GOLGA6C: variants seen among roughly 807,000 people sequenced by gnomAD.
GOLGA6C encodes the protein golgin subfamily A member 6C.
A neutral mutation model predicts 57.5 loss-of-function variants in GOLGA6C; 3 were observed. The observed-to-expected ratio is 0.05, with a 90% confidence interval of 0.02 to 0.13. The LOEUF is 0.13. GOLGA6C is among the 10% of genes least tolerant of loss of function. The pLI, the probability that GOLGA6C is intolerant of heterozygous loss-of-function variation, is 1.00. For missense variants in GOLGA6C, 88 were observed against 525.6 expected, an observed-to-expected ratio of 0.17 and a Z score of 8.14; for synonymous variants, 32 against 203.8, an observed-to-expected ratio of 0.16 and a Z score of 7.18.
chr15:75,266,136 G>A lies in GOLGA6C; in HGVS notation c.879G>A (p.Val293=). ...CCCCATCCCTGGCACCCCCAGCAGT[G>A]ACCTCTGTGGTGGAACAGCTACAAG... The part of the protein sequence containing the change: ...AEPPSLAPPA[V]TSVVEQLQDE... The change falls in exon 11 of 18, where the codon GTG becomes GTA. Residue 293 remains valine (V), a synonymous_variant. Transcript: ENST00000300576. 1 of 1,413,938 alleles carries A rather than the reference G, an allele frequency of 7.1e-7. No individual in the cohort carries two copies. Among genetic ancestry groups the A allele is most frequent in the Non-Finnish European group, 9.3e-7 (1 of 1,070,920 alleles). 87.6% of individuals were successfully genotyped at this position (1,413,938 alleles called of 1,614,324 possible).
chr15:75,259,184 C>T (rs1349099074), intron 1 of GOLGA6C, among the ~76,000 whole-genome samples: 1 of 151,888 alleles, frequency 6.6e-6, no homozygotes, highest in African/African-American at 2.4e-5. Context: ...CACGTCCCCC[C>T]TCCCCCATCG....
intron 7 of GOLGA6C, among the ~76,000 whole-genome samples, 174 bp from the exon 8 acceptor site, chr15:75,264,948 C>A (rs1362509419): frequency 6.7e-6 from 1 of 150,170 alleles, no homozygotes; most frequent in Non-Finnish European, 1.5e-5. Context: ...GCTGTAAATT[C>A]GATCTCTTTC....
intron 1 of GOLGA6C, among the ~76,000 whole-genome samples, chr15:75,259,174 C>A (rs1330627137): frequency 6.6e-6 from 1 of 152,002 alleles, no homozygotes; most frequent in Non-Finnish European, 1.5e-5. Flanking sequence ...GTCCCAGCCC[C>A]ACGTCCCCCC....
chr15:75,259,201 G>A (rs1369520654), intron 1 of GOLGA6C, among the ~76,000 whole-genome samples: 11 of 151,334 alleles, frequency 7.3e-5, no homozygotes, highest in African/African-American at 1.5e-4. Flanking sequence ...ATCGTGGATC[G>A]GCAACTCAGC....
At chr15:75,261,811 CTTTTTTTTTTT>C (rs1202553749) in intron 2 of GOLGA6C, among the ~76,000 whole-genome samples, 1 of 35,354 alleles carries the variant, frequency 2.8e-5, no homozygotes, top group Non-Finnish European at 6.2e-5. Context: ...GATTTGGGCT[CTTTTTTTTTTT>C]TTTTTTTTTT....
rs1411896304 is a variant in GOLGA6C, at chr15:75,270,178, T to C, written c.2061T>C (p.Ser687=). ...CGGTACAGCAGATCGTGCAGCTGTC[T>C]CCTGTCATGCAGGACACCTAGGAGC... ...NPPVQQIVQL[S]PVMQDT Residue 687 remains serine, a synonymous_variant, in exon 18 of 18, where the codon TCT becomes TCC. Transcript: ENST00000300576. 6.3e-7 allele frequency: 1 copy of C among 1,592,544 alleles called. No homozygotes were observed. The highest frequency in any genetic ancestry group is 8.5e-7 in the Non-Finnish European group (1 of 1,174,500).
chr15:75,260,305 A>C (rs1273477968), intron 1 of GOLGA6C, 68 bp from the exon 2 acceptor site: 1 of 1,584,862 alleles, frequency 6.3e-7, no homozygotes, highest in African/African-American at 1.5e-5. Context: ...TTTTGCAAAA[A>C]CTGTAAGGAG....
At chr15:75,258,706 TG>T (rs2141628039) in intron 1 of GOLGA6C, 24 bp downstream of exon 1, 1 of 507,198 alleles carries the variant, frequency 2.0e-6, no homozygotes, top group East Asian at 3.4e-5. Flanking sequence ...AAAAAGGTCA[TG>T]GCCCCCCAAC....
rs1221791906 is a variant in GOLGA6C, at chr15:75,273,174, A to T, written c.*2975A>T. On this transcript the variant is annotated 3_prime_UTR_variant, in exon 18 of 18. Transcript: ENST00000300576. ...AAGAATATAACTATTCAAAAATGTAACTGCTATCTTAATGTTTTGAAATAA... is the reference window on the plus strand; with the variant it reads ...AAGAATATAACTATTCAAAAATGTATCTGCTATCTTAATGTTTTGAAATAA... Among the ~76,000 whole-genome samples, 2 of 152,170 alleles carry T rather than the reference A, an allele frequency of 1.3e-5. No individual in the cohort carries two copies. The highest frequency in any genetic ancestry group is 4.8e-5 in the African/African-American group (2 of 41,384).
In GOLGA6C at chr15:75,258,822, C is replaced by G. The variant is rs535968048; in HGVS notation, c.84+140C>G. On this transcript the variant is annotated intron_variant, in intron 1 of 17. Transcript: ENST00000300576. Reference sequence around the variant, plus strand: ...TACCCCGGCGCCTCTGGGCTCCCCCCACCAAAGTCTTGTCAGTCAGCCCCG... The same window carrying G: ...TACCCCGGCGCCTCTGGGCTCCCCCGACCAAAGTCTTGTCAGTCAGCCCCG... The G allele has an allele frequency of 1.2e-5, 10 of 805,986 alleles. No individual in the cohort carries two copies. In the Admixed American group the frequency reaches 1.4e-4, roughly 12 times the overall value. 49.9% of individuals were successfully genotyped at this position (805,986 alleles called of 1,614,324 possible).
At chr15:75,263,265 TG>T in intron 3 of GOLGA6C, 82 bp from the exon 4 acceptor site, 1 of 519,212 alleles carries the variant, frequency 1.9e-6, no homozygotes, top group Non-Finnish European at 3.2e-6. Context: ...AATCCATTCC[TG>T]GACCCTGCCT....
At chr15:75,263,489 GCTCACCCAT>G (rs1567162947) in intron 4 of GOLGA6C, 103 bp downstream of exon 4, 1 of 1,535,212 alleles carries the variant, frequency 6.5e-7, no homozygotes, top group Non-Finnish European at 9.0e-7. Context: ...GGGGAAGAAG[GCTCACCCAT>G]CAGATTCCAC....
chr15:75,258,880 G>A (rs2070720432), intron 1 of GOLGA6C, among the ~76,000 whole-genome samples, 198 bp downstream of exon 1: 3 of 150,022 alleles, frequency 2.0e-5, no homozygotes, highest in Admixed American at 1.3e-4. Flanking sequence ...CTCTGCCCTC[G>A]CCAATCACCC....
intron 1 of GOLGA6C, among the ~76,000 whole-genome samples, chr15:75,259,322 C>A (rs1166121221): frequency 8.0e-6 from 1 of 125,062 alleles, no homozygotes; most frequent in Non-Finnish European, 1.6e-5. Context: ...GATCTTATAA[C>A]CCAGTCCCCT....
In GOLGA6C at chr15:75,271,403, TAGAAGATTGATTTTATCATCTAGA is replaced by T. The variant is rs1339304574; in HGVS notation, c.*1205_*1228del. Among the ~76,000 whole-genome samples, 1 of 139,204 alleles carries T rather than the reference TAGAAGATTGATTTTATCATCTAGA, an allele frequency of 7.2e-6. No homozygotes were observed. The highest frequency in any genetic ancestry group is 2.2e-4 in the East Asian group (1 of 4,526). 91.3% of individuals were successfully genotyped at this position (139,204 alleles called of 152,430 possible). ...TATGTTCATGGAGCTTCTTTGAGGCTAGAAGATTGATTTTATCATCTAGACCTCTCTGGCTAATACCTATTCTTC... is the reference window on the plus strand; with the variant it reads ...TATGTTCATGGAGCTTCTTTGAGGCTCCTCTCTGGCTAATACCTATTCTTC... On this transcript the variant is annotated 3_prime_UTR_variant, in exon 18 of 18. Transcript: ENST00000300576.
At position 75,270,164 on chromosome 15, in the gene GOLGA6C, A is replaced by T; in HGVS notation, c.2047A>T (p.Ile683Phe). Residue 683 changes from isoleucine to phenylalanine, a missense_variant, in exon 18 of 18, where the codon ATC becomes TTC. Physicochemically the swap from Ile to Phe is conservative, Grantham distance 21. Transcript: ENST00000300576. ...SPHDNPPVQQIVQLSPVMQDT is the reference protein window; with the variant it reads ...SPHDNPPVQQFVQLSPVMQDT Reference sequence around the variant, plus strand: ...CCATGACAACCCCCCGGTACAGCAGATCGTGCAGCTGTCTCCTGTCATGCA... The same window carrying T: ...CCATGACAACCCCCCGGTACAGCAGTTCGTGCAGCTGTCTCCTGTCATGCA... The T allele has an allele frequency of 3.1e-6, 5 of 1,592,170 alleles. No individual in the cohort carries two copies. Among genetic ancestry groups the T allele is most frequent in the South Asian group, 1.1e-5 (1 of 89,310 alleles).
At position 75,273,182 on chromosome 15, in the gene GOLGA6C, CTT is replaced by C. The variant is rs2070798553; in HGVS notation, c.*2984_*2985del. Among the ~76,000 whole-genome samples, 1 of 152,166 alleles carries C rather than the reference CTT, an allele frequency of 6.6e-6. No individual in the cohort carries two copies. The highest frequency in any genetic ancestry group is 1.5e-5 in the Non-Finnish European group (1 of 68,056). ...AACTATTCAAAAATGTAACTGCTATCTTAATGTTTTGAAATAAGTTAAAACAC... is the reference window on the plus strand; with the variant it reads ...AACTATTCAAAAATGTAACTGCTATCAATGTTTTGAAATAAGTTAAAACAC... On this transcript the variant is annotated 3_prime_UTR_variant, in exon 18 of 18. Transcript: ENST00000300576.
At position 75,273,137 on chromosome 15, in the gene GOLGA6C, G is replaced by C. The variant is rs1061785; in HGVS notation, c.*2938G>C. Among the ~76,000 whole-genome samples the C allele has an allele frequency of 1.3e-5, 2 of 152,092 alleles. No individual in the cohort carries two copies. The highest frequency in any genetic ancestry group is 2.9e-5 in the Non-Finnish European group (2 of 68,054). ...AGTTTCTCTAAAACTTTATCTTAAAGAGTCATTTTAAAAGAATATAACTAT... is the reference window on the plus strand; with the variant it reads ...AGTTTCTCTAAAACTTTATCTTAAACAGTCATTTTAAAAGAATATAACTAT... On this transcript the variant is annotated 3_prime_UTR_variant, in exon 18 of 18. Coordinates refer to ENST00000300576, the MANE Select transcript of GOLGA6C (RefSeq NM_001164404.2).
At chr15:75,261,864 T>C (rs1464529021) in intron 2 of GOLGA6C, among the ~76,000 whole-genome samples, 1 of 18,916 alleles carries the variant, frequency 5.3e-5, no homozygotes, top group African/African-American at 1.9e-4. Context: ...TCACTCAGAC[T>C]GGAGTGGAGT....
Sources: gnomAD v4.1 joint callset for allele counts (sites outside exome capture counted in the v4.1 genomes callset) on GRCh38, gnomAD v4.1.1 for gene constraint, MANE v1.5 for transcripts, NCBI Gene and HGNC (gene_info 2026-07-23, HGNC 2026-07-21) for gene names.